The following ADAMTS5 variants were observed in gnomAD, a reference collection of about 807,000 sequenced individuals.
The protein encoded by ADAMTS5 is A disintegrin and metalloproteinase with thrombospondin motifs 5.
Under a neutral mutation model 81.4 loss-of-function variants are expected in ADAMTS5, and 54 were observed. The ratio of observed to expected loss-of-function variants is 0.66; its 90% confidence interval spans 0.53 to 0.83. The LOEUF (loss-of-function observed/expected upper bound fraction) is 0.83, where lower values mean the gene tolerates loss of function less well. Among genes scored for constraint, ADAMTS5 ranks in the 40% least tolerant of loss-of-function variants. The pLI is 0.00. For synonymous variants in ADAMTS5, 532 were observed against 508.8 expected (o/e 1.05, Z -0.61); for missense variants, 1,194 against 1,229.9 (o/e 0.97, Z 0.44).
rs758560930 is a variant in ADAMTS5 at position 26,934,587 on chromosome 21, C to T, written c.1568G>A (p.Arg523His). Residue 523 changes from arginine to histidine, a missense_variant, in exon 4 of 8, where the codon CGC becomes CAC. Arg to His is a conservative substitution (Grantham distance 29). Coordinates refer to ENST00000284987, the MANE Select transcript of ADAMTS5 (RefSeq NM_007038.5). ...GGTCAGACAGACCATCTGGCCCTGG[C>T]GTACCACAGCACACCACAGGCGAGC... ...VCARLWCAVV[R>H]QGQMVCLTKK... 7 of 1,614,074 alleles carry T rather than the reference C, an allele frequency of 4.3e-6. No individual in the cohort carries two copies. The Admixed American group carries it at 6.7e-5, about 15-fold the overall frequency.
rs552370415 is a variant in ADAMTS5 at position 26,954,029 on chromosome 21, A to G, written c.1237+710T>C. 99 of 152,292 alleles carry G rather than the reference A, an allele frequency of 6.5e-4. 1 individual carries two copies. The highest frequency in any genetic ancestry group is 2.3e-3 in the African/African-American group (97 of 41,554). The allele number at this position is 152,292 out of a possible 1,614,324, so 9.4% of individuals were successfully genotyped here. ...ACAAAAAATTGTGTCTAATTCCAAC[A>G]TCTAGTCCTAAATGTACTAAGCCAA... is the stretch of plus-strand genomic sequence containing the variant. On this transcript the variant is annotated intron_variant, in intron 2 of 7. Coordinates refer to ENST00000284987, the MANE Select transcript of ADAMTS5 (RefSeq NM_007038.5).
chr21:26,928,741 C>CTTT (rs994947004), intron 7 of ADAMTS5, among the ~76,000 whole-genome samples: 1 of 133,710 alleles, frequency 7.5e-6, no homozygotes, highest in South Asian at 2.4e-4. Flanking sequence ...TCTCTTTCTT[C>CTTT]TTTTTTTTTT....
chr21:26,921,771 T>G lies in ADAMTS5; in HGVS notation c.*2282A>C, dbSNP rs16979423. 0.052 allele frequency: 7,986 copies of G among 152,504 alleles called. 340 individuals carry two copies. Among genetic ancestry groups the G allele is most frequent in the South Asian group, 0.12 (566 of 4,826 alleles). The allele number at this position is 152,504 out of a possible 1,614,324, so 9.4% of individuals were successfully genotyped here. A position where few individuals can be genotyped will look rare whatever the true frequency, so the allele number is the denominator to read the frequency against. ...GAATAGTGGTTTAATTGCTCTGAGCTCTCTAGGATTGTTTCCATGACAGGT... is the reference window on the plus strand; with the variant it reads ...GAATAGTGGTTTAATTGCTCTGAGCGCTCTAGGATTGTTTCCATGACAGGT... On this transcript the variant is annotated 3_prime_UTR_variant, in exon 8 of 8. Transcript: ENST00000284987.
Position 26,966,381 on chromosome 21 carries a change from C to T in ADAMTS5, c.11G>A (p.Gly4Glu). The change falls in exon 1 of 8, where the codon GGG (glycine) becomes GAG (glutamate). Residue 4 changes from glycine to glutamate, a missense_variant. Around this residue, in one of 2 missense-constraint regions of ADAMTS5, gnomAD observed 498 missense variants for 412.3 expected, o/e 1.21. Transcript: ENST00000284987. Reference sequence around the variant, plus strand: ...CGCGCACAGCAGCAGGGACGCCCACCCGAGCAGCATAGTGCGCTGCCCGCG... The same window carrying T: ...CGCGCACAGCAGCAGGGACGCCCACTCGAGCAGCATAGTGCGCTGCCCGCG... MLL[G>E]WASLLLCAFR... 1 of 1,487,096 alleles carries T rather than the reference C, an allele frequency of 6.7e-7. No homozygotes were observed. The highest frequency in any genetic ancestry group is 8.9e-7 in the Non-Finnish European group (1 of 1,129,024). 92.1% of individuals were successfully genotyped at this position (1,487,096 alleles called of 1,614,324 possible). A position where few individuals can be genotyped will look rare whatever the true frequency, so the allele number is the denominator to read the frequency against.
intron 2 of ADAMTS5, among the ~76,000 whole-genome samples, chr21:26,948,758 C>A (rs1238513404): frequency 6.6e-6 from 1 of 152,082 alleles, no homozygotes; most frequent in Non-Finnish European, 1.5e-5. Context: ...TGTCAATATC[C>A]TTTTGAATCC....
At chr21:26,955,938 T>A (rs996375583) in intron 1 of ADAMTS5, among the ~76,000 whole-genome samples, 1 of 152,230 alleles carries the variant, frequency 6.6e-6, no homozygotes, top group African/African-American at 2.4e-5. Flanking sequence ...GTTAAAATAA[T>A]AAATGTTTCT....
chr21:26,931,515 T>C (rs1387128412), intron 6 of ADAMTS5, among the ~76,000 whole-genome samples: 2 of 152,236 alleles, frequency 1.3e-5, no homozygotes, highest in Non-Finnish European at 2.9e-5. Context: ...CATATATAAC[T>C]AGAGGGACAT....
chr21:26,966,743 G>A lies in ADAMTS5; in HGVS notation c.-352C>T, dbSNP rs571269241. 6.6e-6 allele frequency among the ~76,000 whole-genome samples: 1 copy of A among 151,786 alleles called. No individual in the cohort carries two copies. Among genetic ancestry groups the A allele is most frequent in the African/African-American group, 2.4e-5 (1 of 41,428 alleles). ...CCAAAAAACCACCAAATGCAGGCAC[G>A]ATCGCTGTTTCAAGAAAAGTAAGGA... On this transcript the variant is annotated 5_prime_UTR_variant, in exon 1 of 8. Transcript: ENST00000284987.
intron 1 of ADAMTS5, among the ~76,000 whole-genome samples, chr21:26,964,962 C>G (rs1025744065): frequency 6.6e-6 from 1 of 152,160 alleles, no homozygotes; most frequent in African/African-American, 2.4e-5. Context: ...TTCCTTTTCC[C>G]CATTTAACTG....
In ADAMTS5 at chr21:26,924,374, A is replaced by G. The variant is rs1425586681; in HGVS notation, c.2472T>C (p.Ser824=). The G allele has an allele frequency of 6.2e-7, 1 of 1,613,998 alleles. No homozygotes were observed. Among genetic ancestry groups the G allele is most frequent in the African/African-American group, 1.3e-5 (1 of 74,940 alleles). The stretch of plus-strand genomic sequence containing the variant: ...GCACTATTAGAATTTCCTTCGTGGC[A>G]GAGTAGCCCATGCCATGCAGGAAGT... ...RDDFLHGMGY[S]ATKEILIVQI... Residue 824 remains serine (S), a synonymous_variant, in exon 8 of 8, where the codon TCT becomes TCC. Coordinates refer to ENST00000284987, the MANE Select transcript of ADAMTS5 (RefSeq NM_007038.5).
At chr21:26,945,011 T>C (rs1473556655) in intron 2 of ADAMTS5, among the ~76,000 whole-genome samples, 1 of 152,208 alleles carries the variant, frequency 6.6e-6, no homozygotes, top group Non-Finnish European at 1.5e-5. Context: ...CCACTTAACA[T>C]TTTGTTTGGT....
Position 26,923,469 on chromosome 21 carries a change from GA to G in ADAMTS5, c.*583del, listed in dbSNP as rs1986739599. On this transcript the variant is annotated 3_prime_UTR_variant, in exon 8 of 8. Transcript: ENST00000284987. ...ACTGAAATTTTATCTCCTGTAGTCA[GA>G]AAATATACTACATCTTATTAAAACA... 6.6e-6 allele frequency: 1 copy of G among 152,574 alleles called. No homozygotes were observed. The highest frequency in any genetic ancestry group is 1.5e-5 in the Non-Finnish European group (1 of 68,072). The allele number at this position is 152,574 out of a possible 1,614,324, so 9.5% of individuals were successfully genotyped here. A position where few individuals can be genotyped will look rare whatever the true frequency, so the allele number is the denominator to read the frequency against.
At chr21:26,956,765 A>C (rs1987435289) in intron 1 of ADAMTS5, among the ~76,000 whole-genome samples, 1 of 152,206 alleles carries the variant, frequency 6.6e-6, no homozygotes, top group Non-Finnish European at 1.5e-5. Flanking sequence ...TAAATAAGCT[A>C]AGATGAAGAG....
intron 1 of ADAMTS5, 130 bp from the exon 2 acceptor site, chr21:26,955,001 C>T (rs12626485): frequency 0.032 from 37,256 of 1,182,250 alleles, 689 homozygotes; most frequent in East Asian, 0.071. Context: ...TCTCTGGAAA[C>T]GTTCCAAAGG....
At chr21:26,945,299 G>A (rs1376383216) in intron 2 of ADAMTS5, among the ~76,000 whole-genome samples, 2 of 152,122 alleles carry the variant, frequency 1.3e-5, no homozygotes, top group African/African-American at 4.8e-5. Flanking sequence ...GGGATATGGT[G>A]GAAATTTCAC....
At position 26,918,928 on chromosome 21, in the gene ADAMTS5, C is replaced by T. The variant is rs1452035404; in HGVS notation, c.*5125G>A. Reference sequence around the variant, plus strand: ...CCTGATGCTCCTCAAATTTTAATGACCCCTTAAATGTCCTCAGATGCACAT... The same window carrying T: ...CCTGATGCTCCTCAAATTTTAATGATCCCTTAAATGTCCTCAGATGCACAT... On this transcript the variant is annotated 3_prime_UTR_variant, in exon 8 of 8. Coordinates refer to ENST00000284987, the MANE Select transcript of ADAMTS5 (RefSeq NM_007038.5). 6.6e-6 allele frequency: 1 copy of T among 151,924 alleles called. No homozygotes were observed. The highest frequency in any genetic ancestry group is 2.4e-5 in the African/African-American group (1 of 41,412). The allele number at this position is 151,924 out of a possible 1,614,324, so 9.4% of individuals were successfully genotyped here. A position where few individuals can be genotyped will look rare whatever the true frequency, so the allele number is the denominator to read the frequency against.
At chr21:26,924,935 C>A (rs755161100) in intron 7 of ADAMTS5, among the ~76,000 whole-genome samples, 1 of 152,170 alleles carries the variant, frequency 6.6e-6, no homozygotes, top group African/African-American at 2.4e-5. Context: ...CTTATCAGAT[C>A]CTATCATCTT....
At chr21:26,946,795 G>A (rs181725898) in intron 2 of ADAMTS5, among the ~76,000 whole-genome samples, 8 of 152,324 alleles carry the variant, frequency 5.3e-5, no homozygotes, top group Non-Finnish European at 1.0e-4. Context: ...AACAGAGTTA[G>A]TTGAGGGTGA....
intron 3 of ADAMTS5, among the ~76,000 whole-genome samples, chr21:26,939,253 T>C (rs151058): frequency 0.86 from 131,414 of 152,238 alleles, 56,771 homozygotes; most frequent in South Asian, 0.92. Flanking sequence ...ATTAGGTATA[T>C]TGTTGAGCAG....
Sources: gnomAD v4.1 joint callset for allele counts (sites outside exome capture counted in the v4.1 genomes callset) on GRCh38, gnomAD v4.1.1 for gene constraint, gnomAD v4.1.1 regional missense constraint, MANE v1.5 for transcripts, NCBI Gene and HGNC (gene_info 2026-07-23, HGNC 2026-07-21) for gene names.